Variants in TMTC1 observed in about 807,000 individuals in gnomAD.
TMTC1 encodes transmembrane O-mannosyltransferase targeting cadherins 1, also known as protein O-mannosyl-transferase TMTC1.
A neutral mutation model predicts 104.8 loss-of-function variants in TMTC1; 73 were observed. The observed-to-expected ratio is 0.70, with a 90% CI of 0.58 to 0.85. The LOEUF is 0.85. Among genes scored for constraint, TMTC1 ranks in the 40% least tolerant of loss-of-function variants. TMTC1 has a pLI of 0.00. For synonymous variants in TMTC1, 434 were observed against 428.7 expected, an observed-to-expected ratio of 1.01 and a Z score of -0.15; for missense variants, 1,035 against 1,096.1, an observed-to-expected ratio of 0.94 and a Z score of 0.79.
intron 2 of TMTC1, among the ~76,000 whole-genome samples, chr12:29,759,316 C>A (rs1319439910): frequency 6.7e-6 from 1 of 149,734 alleles, no homozygotes; most frequent in African/African-American, 2.4e-5. Flanking sequence ...GACAACATGG[C>A]AAAACCCTGT....
At chr12:29,554,303 A>AT (rs1343997147) in intron 10 of TMTC1, among the ~76,000 whole-genome samples, 1 of 150,682 alleles carries the variant, frequency 6.6e-6, no homozygotes, top group Admixed American at 6.6e-5. Context: ...GAACTAAAAT[A>AT]TTTTTTCCAC....
rs1298355486 is a variant in TMTC1 at position 29,767,913 on chromosome 12, A to G, written c.465T>C (p.Pro155=). The G allele has an allele frequency of 6.2e-7, 1 of 1,613,586 alleles. No homozygotes were observed. The highest frequency in any genetic ancestry group is 1.3e-5 in the African/African-American group (1 of 74,894). ...TTACACTTACCGCCTCAGTATGAAT[A>G]GGATGTACAGCAAAAAGCAATGCCG... The part of the protein sequence containing the change: ...FVTALLFAVH[P]IHTEAVAGIV... The change falls in exon 2 of 18, where the codon CCT becomes CCC. Residue 155 remains proline (P), a synonymous_variant. Coordinates refer to ENST00000539277, the MANE Select transcript of TMTC1 (RefSeq NM_001193451.2).
At chr12:29,576,666 A>C (rs1425011367) in intron 8 of TMTC1, among the ~76,000 whole-genome samples, 1 of 152,188 alleles carries the variant, frequency 6.6e-6, no homozygotes, top group Non-Finnish European at 1.5e-5. Context: ...CAAGGGTACA[A>C]ATTTGCAGTT....
chr12:29,758,885 T>A, intron 2 of TMTC1, 108 bp from the exon 3 acceptor site: 1 of 965,488 alleles, frequency 1.0e-6, no homozygotes, highest in Non-Finnish European at 1.5e-6. Context: ...ATGGAAGATA[T>A]AATAAAATAG....
chr12:29,721,538 AAT>A (rs1266011849), intron 5 of TMTC1, among the ~76,000 whole-genome samples: 1 of 152,098 alleles, frequency 6.6e-6, no homozygotes, highest in East Asian at 1.9e-4. Flanking sequence ...ACCGCCTGAA[AAT>A]ATATATATAA....
At chr12:29,646,808 C>T (rs1165462722) in intron 5 of TMTC1, among the ~76,000 whole-genome samples, 3 of 152,118 alleles carry the variant, frequency 2.0e-5, no homozygotes, top group African/African-American at 7.2e-5. Context: ...ACAGTTTTTG[C>T]CCAGGGTTCT....
At chr12:29,576,795 C>T (rs576137172) in intron 8 of TMTC1, among the ~76,000 whole-genome samples, 1 of 151,512 alleles carries the variant, frequency 6.6e-6, no homozygotes, top group African/African-American at 2.4e-5. Context: ...ACTATTAATA[C>T]AAAAAAGAAA....
intron 8 of TMTC1, among the ~76,000 whole-genome samples, chr12:29,582,373 C>T (rs954250415): frequency 3.3e-5 from 5 of 152,232 alleles, no homozygotes; most frequent in African/African-American, 1.2e-4. Flanking sequence ...TAGCTCCCTC[C>T]ATGGAACTCA....
chr12:29,608,442 G>C (rs1379730500), intron 6 of TMTC1, among the ~76,000 whole-genome samples: 1 of 152,114 alleles, frequency 6.6e-6, no homozygotes, highest in East Asian at 1.9e-4. Context: ...AAGACAGCAG[G>C]GAGAGAAGAG....
chr12:29,775,436 C>T (rs779426016), intron 1 of TMTC1, among the ~76,000 whole-genome samples: 11 of 152,110 alleles, frequency 7.2e-5, no homozygotes, highest in Non-Finnish European at 1.0e-4. Flanking sequence ...CCCTCAGGTT[C>T]GATCATTCAT....
intron 6 of TMTC1, among the ~76,000 whole-genome samples, chr12:29,613,038 T>C (rs989175018): frequency 6.6e-6 from 1 of 152,212 alleles, no homozygotes; most frequent in African/African-American, 2.4e-5. Context: ...TCTTAACTTG[T>C]TATTGTTCTA....
Position 29,661,461 on chromosome 12 carries a change from G to A in TMTC1, c.939-28125C>T, listed in dbSNP as rs61922225. On this transcript the variant is annotated intron_variant, in intron 5 of 17. Coordinates refer to ENST00000539277, the MANE Select transcript of TMTC1 (RefSeq NM_001193451.2). ...TTTTTGAGACGGAGTTTTGCTCGTC[G>A]CCCAGGCTGGAGTGCAGTGGTGCGA... The A allele has an allele frequency of 7.4e-3, 2,970 of 403,760 alleles. 103 individuals are homozygous for A. The highest frequency in any genetic ancestry group is 0.068 in the African/African-American group (2,732 of 40,106). The allele number at this position is 403,760 out of a possible 1,614,324, so 25.0% of individuals were successfully genotyped here. A position where few individuals can be genotyped will look rare whatever the true frequency, so the allele number is the denominator to read the frequency against.
chr12:29,523,325 A>G (rs1424661852), intron 11 of TMTC1, among the ~76,000 whole-genome samples: 1 of 152,242 alleles, frequency 6.6e-6, no homozygotes, highest in Admixed American at 6.5e-5. Context: ...ACAGACAGAA[A>G]AAGGAAAGCG....
intron 5 of TMTC1, among the ~76,000 whole-genome samples, chr12:29,659,088 A>G (rs1490005164): frequency 6.6e-6 from 1 of 152,172 alleles, no homozygotes; most frequent in Non-Finnish European, 1.5e-5. Context: ...GTTCATTTCT[A>G]TTTGTCACTT....
Position 29,666,998 on chromosome 12 carries a change from G to A in TMTC1, c.939-33662C>T, listed in dbSNP as rs1195239902. 4.6e-5 allele frequency among the ~76,000 whole-genome samples: 7 copies of A among 152,124 alleles called. 1 individual carries two copies. The East Asian group carries it at 1.3e-3, about 29-fold the overall frequency. ...TTTTCAACAGAAATGCAGATTTACT[G>A]CTTCTCTTTGAAACTCAAGAAAAAA... On this transcript the variant is annotated intron_variant, in intron 5 of 17. Transcript: ENST00000539277.
chr12:29,681,062 G>A (rs796392698), intron 5 of TMTC1, among the ~76,000 whole-genome samples: 13 of 135,416 alleles, frequency 9.6e-5, no homozygotes, highest in South Asian at 2.3e-4. Context: ...TTGCACCACC[G>A]CACACCAGCC....
chr12:29,756,114 A>G (rs561915067), intron 3 of TMTC1, among the ~76,000 whole-genome samples: 2 of 152,376 alleles, frequency 1.3e-5, no homozygotes, highest in East Asian at 3.9e-4. Flanking sequence ...CCAAAAAGCC[A>G]TTTAAAATTC....
intron 8 of TMTC1, among the ~76,000 whole-genome samples, chr12:29,581,712 C>T (rs1219495259): frequency 6.6e-6 from 1 of 152,098 alleles, no homozygotes; most frequent in Non-Finnish European, 1.5e-5. Flanking sequence ...AAAGGTTTAG[C>T]ACAGGGCAGA....
chr12:29,600,684 G>A (rs190846517), intron 7 of TMTC1, among the ~76,000 whole-genome samples: 1 of 152,130 alleles, frequency 6.6e-6, no homozygotes, highest in Admixed American at 6.5e-5. Flanking sequence ...TGTAAACCTG[G>A]CTGAGTGACC....
Sources: gnomAD v4.1 joint callset for allele counts (sites outside exome capture counted in the v4.1 genomes callset) on GRCh38, gnomAD v4.1.1 for gene constraint, MANE v1.5 for transcripts, NCBI Gene and HGNC (gene_info 2026-07-23, HGNC 2026-07-21) for gene names.